SLCO3A1: variants seen among roughly 807,000 people sequenced by gnomAD.
The protein encoded by SLCO3A1 is PGE1 transporter.
Under a neutral mutation model 63.1 loss-of-function variants are expected in SLCO3A1, and 27 were observed. The ratio of observed to expected loss-of-function variants is 0.43; its 90% CI spans 0.32 to 0.59. The LOEUF (loss-of-function observed/expected upper bound fraction) is 0.59. SLCO3A1 is among the 20% of genes least tolerant of loss of function. SLCO3A1 has a pLI of 0.09. For missense variants in SLCO3A1, 773 were observed against 945.8 expected (o/e 0.82, Z 2.40); for synonymous variants, 473 against 409.9 (o/e 1.15, Z -1.86).
chr15:91,987,227 C>T (rs1358078130), intron 2 of SLCO3A1, among the ~76,000 whole-genome samples: 3 of 152,138 alleles, frequency 2.0e-5, no homozygotes, highest in African/African-American at 7.2e-5. Context: ...GTAGGTGCCA[C>T]ATGAAGGGGG....
chr15:91,964,961 A>G (rs1900602550), intron 2 of SLCO3A1, among the ~76,000 whole-genome samples: 1 of 151,844 alleles, frequency 6.6e-6, no homozygotes, highest in Non-Finnish European at 1.5e-5. Flanking sequence ...CAGCAGTCCT[A>G]CCTCTAGACT....
In SLCO3A1 at chr15:92,165,113, A is replaced by T. The variant is rs2048482868; in HGVS notation, c.*1978A>T. 1.0e-6 allele frequency: 1 copy of T among 985,462 alleles called. No individual in the cohort carries two copies. 61.0% of individuals were successfully genotyped at this position (985,462 alleles called of 1,614,324 possible). ...CATTGTAAATGAAGAGGCTTGAATG[A>T]CAGCCCAAATCTAGAGAAGGCACTC... On this transcript the variant is annotated 3_prime_UTR_variant, in exon 10 of 10. Transcript: ENST00000318445.
At chr15:92,120,366 A>G (rs901077555) in intron 4 of SLCO3A1, 99 bp from the exon 5 acceptor site, 1 of 1,269,936 alleles carries the variant, frequency 7.9e-7, no homozygotes. Flanking sequence ...TGAAATGGAC[A>G]AGAGCGGGCC....
rs1900700375 is a variant in SLCO3A1 at position 91,967,460 on chromosome 15, G to C, written c.646+51002G>C. On this transcript the variant is annotated intron_variant, in intron 2 of 9. Coordinates refer to ENST00000318445, the MANE Select transcript of SLCO3A1 (RefSeq NM_013272.4). The surrounding 1 kb of genome is among the most constrained non-coding windows in gnomAD (Gnocchi z 4.4). Reference sequence around the variant, plus strand: ...CCTCCTCTGGTTATGCTTTTCTTTGGCTAATAGTATCATTTGTCTCCCCAC... The same window carrying C: ...CCTCCTCTGGTTATGCTTTTCTTTGCCTAATAGTATCATTTGTCTCCCCAC... Among the ~76,000 whole-genome samples, 1 of 152,116 alleles carries C rather than the reference G, an allele frequency of 6.6e-6. No homozygotes were observed. Among genetic ancestry groups the C allele is most frequent in the Non-Finnish European group, 1.5e-5 (1 of 68,032 alleles).
At chr15:91,927,113 G>A (rs1899057485) in intron 2 of SLCO3A1, among the ~76,000 whole-genome samples, 1 of 152,038 alleles carries the variant, frequency 6.6e-6, no homozygotes, top group South Asian at 2.1e-4. Flanking sequence ...GGCAACTGTG[G>A]TGAAAAGTCA....
chr15:92,037,163 T>G (rs1200336003), intron 2 of SLCO3A1, among the ~76,000 whole-genome samples: 1 of 152,188 alleles, frequency 6.6e-6, no homozygotes, highest in East Asian at 1.9e-4. Flanking sequence ...TTAGTTTCTC[T>G]TGCTTACAAC....
chr15:92,046,921 G>C (rs1041566272), intron 2 of SLCO3A1, among the ~76,000 whole-genome samples: 3 of 137,146 alleles, frequency 2.2e-5, no homozygotes, highest in African/African-American at 8.2e-5. Flanking sequence ...GCTCCTGGGG[G>C]ATAATGATGC....
chr15:92,030,303 G>T (rs140585388), intron 2 of SLCO3A1, among the ~76,000 whole-genome samples: 12 of 152,264 alleles, frequency 7.9e-5, no homozygotes, highest in African/African-American at 2.6e-4. Context: ...CAAGAGAAAA[G>T]AACTTTACAA....
In SLCO3A1 at chr15:91,938,962, GC is replaced by G. The variant is rs1455661819; in HGVS notation, c.646+22510del. 2.0e-5 allele frequency among the ~76,000 whole-genome samples: 3 copies of G among 152,288 alleles called. No homozygotes were observed. The East Asian group carries it at 5.8e-4, about 29-fold the overall frequency. ...TTTCTAAACGTAGCTGGGATGTTGTGCCCCCCTCTGGGCTCATCTGGGCCTG... is the reference window on the plus strand; with the variant it reads ...TTTCTAAACGTAGCTGGGATGTTGTGCCCCCTCTGGGCTCATCTGGGCCTG... On this transcript the variant is annotated intron_variant, in intron 2 of 9. Transcript: ENST00000318445.
At chr15:92,158,614 T>C (rs998671886) in intron 9 of SLCO3A1, among the ~76,000 whole-genome samples, 5 of 152,298 alleles carry the variant, frequency 3.3e-5, no homozygotes, top group Admixed American at 1.3e-4. Context: ...ACCAGCTCCT[T>C]GCAGGGACTG....
chr15:92,008,362 A>C (rs967164105), intron 2 of SLCO3A1, among the ~76,000 whole-genome samples: 2 of 152,156 alleles, frequency 1.3e-5, no homozygotes, highest in Non-Finnish European at 2.9e-5. Context: ...AAGGCAAGTC[A>C]CCTATTCTTT....
intron 2 of SLCO3A1, among the ~76,000 whole-genome samples, chr15:91,931,767 G>A (rs1038734600): frequency 6.8e-6 from 1 of 146,212 alleles, no homozygotes; most frequent in Non-Finnish European, 1.5e-5. Context: ...CACCGCGCCC[G>A]GCTGGTGTCT....
At chr15:92,150,916 G>GT in intron 8 of SLCO3A1, 34 bp from the exon 9 acceptor site, 3 of 1,534,930 alleles carry the variant, frequency 2.0e-6, no homozygotes, top group South Asian at 1.2e-5. Flanking sequence ...ATAAAAATCT[G>GT]GTTTTTTTTT....
intron 1 of SLCO3A1, among the ~76,000 whole-genome samples, chr15:91,906,374 G>T (rs981945067): frequency 6.6e-6 from 1 of 152,136 alleles, no homozygotes; most frequent in African/African-American, 2.4e-5. Context: ...CATAGTTGTT[G>T]TCTCCATGAT....
At chr15:92,086,830 G>A (rs1181107901) in intron 2 of SLCO3A1, among the ~76,000 whole-genome samples, 1 of 151,964 alleles carries the variant, frequency 6.6e-6, no homozygotes, top group Non-Finnish European at 1.5e-5. Context: ...ACAAAAATTA[G>A]CCAGGCATGG....
At position 91,963,228 on chromosome 15, in the gene SLCO3A1, C is replaced by A. The variant is rs147226107; in HGVS notation, c.646+46770C>A. Among the ~76,000 whole-genome samples, 1,425 of 152,204 alleles carry A rather than the reference C, an allele frequency of 9.4e-3. 14 individuals are homozygous for A. Among genetic ancestry groups the A allele is most frequent in the Non-Finnish European group, 0.015 (1,016 of 68,010 alleles). ...AGTCCTAGGCAAGATGCTTGGTGGG[C>A]TTTTGTTGCATTCCAGCCTTTGTAT... is the stretch of plus-strand genomic sequence containing the variant. On this transcript the variant is annotated intron_variant, in intron 2 of 9. Coordinates refer to ENST00000318445, the MANE Select transcript of SLCO3A1 (RefSeq NM_013272.4).
At chr15:91,952,695 G>T (rs905453566) in intron 2 of SLCO3A1, among the ~76,000 whole-genome samples, 1 of 152,174 alleles carries the variant, frequency 6.6e-6, no homozygotes, top group East Asian at 1.9e-4. Flanking sequence ...ATACTTTTCC[G>T]AAATCAATAG....
Position 91,948,556 on chromosome 15 carries a change from G to A in SLCO3A1, c.646+32098G>A, listed in dbSNP as rs138109746. Among the ~76,000 whole-genome samples, 1,403 of 152,318 alleles carry A rather than the reference G, an allele frequency of 9.2e-3. 21 individuals are homozygous for A. The highest frequency in any genetic ancestry group is 0.032 in the African/African-American group (1,347 of 41,566). On this transcript the variant is annotated intron_variant, in intron 2 of 9. Transcript: ENST00000318445. This position sits in a 1 kb window ranked among gnomAD's most constrained non-coding sequence, Gnocchi z 4.8. ...TGCAAGTCAGGAGAGGGCCGAATGT[G>A]CACGAGACTCTGCAGGAAGGCTGAA...
intron 2 of SLCO3A1, among the ~76,000 whole-genome samples, chr15:91,953,501 A>C (rs2151413543): frequency 6.6e-6 from 1 of 152,214 alleles, no homozygotes; most frequent in East Asian, 1.9e-4. Context: ...GCCTGCCAGG[A>C]GGAGTAGGTG....
Sources: allele counts gnomAD v4.1 joint callset (sites outside exome capture counted in the v4.1 genomes callset), GRCh38; gene constraint gnomAD v4.1.1; non-coding constraint Gnocchi (gnomAD v3.1); transcripts MANE v1.5; gene names NCBI Gene and HGNC (gene_info 2026-07-23, HGNC 2026-07-21).